ADAMTSL1: variants seen among roughly 807,000 people sequenced by gnomAD.
ADAMTSL1 encodes the protein ADAMTS-like protein 1.
In ADAMTSL1, 126 loss-of-function variants were observed where a neutral mutation model predicts 201.8. The ratio of observed to expected loss-of-function variants is 0.62; its 90% CI spans 0.54 to 0.72. The LOEUF is 0.72. ADAMTSL1 is among the 30% of genes least tolerant of loss of function. The probability of loss-of-function intolerance (pLI) is 0.00; values close to 1 mark genes in which losing one functional copy is unlikely to be tolerated. For missense variants in ADAMTSL1, 2,679 were observed against 2,277.8 expected (o/e 1.18, Z -3.59); for synonymous variants, 1,121 against 903.4 (o/e 1.24, Z -4.32).
intron 2 of ADAMTSL1, among the ~76,000 whole-genome samples, chr9:18,334,893 A>T (rs80267712): frequency 0.025 from 3,861 of 152,250 alleles, 153 homozygotes; most frequent in African/African-American, 0.086. Context: ...CATTTGGTCA[A>T]TTTTCTAAGC....
intron 1 of ADAMTSL1, among the ~76,000 whole-genome samples, chr9:18,138,124 G>A (rs185014707): frequency 3.3e-5 from 5 of 152,056 alleles, no homozygotes; most frequent in Non-Finnish European, 5.9e-5. Context: ...CCTGAGACTC[G>A]TTTCCTCCTC....
chr9:18,497,530 A>G (rs752205871), intron 1 of ADAMTSL1, among the ~76,000 whole-genome samples: 1 of 152,140 alleles, frequency 6.6e-6, no homozygotes, highest in Non-Finnish European at 1.5e-5. Context: ...AATCTCTATC[A>G]AAAAAATGCA....
At chr9:18,695,799 C>G (rs1229330707) in intron 13 of ADAMTSL1, among the ~76,000 whole-genome samples, 1 of 152,214 alleles carries the variant, frequency 6.6e-6, no homozygotes, top group African/African-American at 2.4e-5. Flanking sequence ...TAGCAATGCC[C>G]CACTTCTTGA....
chr9:18,141,046 T>C (rs909933909), intron 1 of ADAMTSL1, among the ~76,000 whole-genome samples: 5 of 152,196 alleles, frequency 3.3e-5, no homozygotes, highest in African/African-American at 1.2e-4. Context: ...CCCAACACCC[T>C]GGAATCAGAA....
intron 2 of ADAMTSL1, among the ~76,000 whole-genome samples, chr9:18,221,991 A>G (rs1329539994): frequency 6.6e-6 from 1 of 151,942 alleles, no homozygotes; most frequent in African/African-American, 2.4e-5. Context: ...TCATGTTTAG[A>G]TTTGTATCTT....
intron 2 of ADAMTSL1, among the ~76,000 whole-genome samples, chr9:18,204,629 C>T (rs1209211407): frequency 6.6e-6 from 1 of 152,108 alleles, no homozygotes; most frequent in Admixed American, 6.6e-5. Context: ...CCACCCTGCT[C>T]ACTATAATAC....
intron 1 of ADAMTSL1, among the ~76,000 whole-genome samples, chr9:17,999,544 T>G (rs1422934438): frequency 1.3e-5 from 2 of 152,026 alleles, no homozygotes; most frequent in African/African-American, 4.8e-5. Context: ...CTTCAAGCTG[T>G]CCAATAATCC....
intron 20 of ADAMTSL1, among the ~76,000 whole-genome samples, chr9:18,803,847 A>G (rs996679850): frequency 2.6e-5 from 4 of 152,198 alleles, no homozygotes; most frequent in African/African-American, 4.8e-5. Flanking sequence ...CTTTCCAGAT[A>G]GAGTCAGAGT....
chr9:18,741,501 G>T (rs1325134662), intron 15 of ADAMTSL1, among the ~76,000 whole-genome samples: 3 of 152,186 alleles, frequency 2.0e-5, no homozygotes, highest in Non-Finnish European at 4.4e-5. Context: ...TGTCCAGAAA[G>T]ATTTCTATTT....
chr9:18,040,232 C>T (rs1487854215), intron 1 of ADAMTSL1, among the ~76,000 whole-genome samples: 2 of 152,180 alleles, frequency 1.3e-5, no homozygotes, highest in African/African-American at 2.4e-5. Flanking sequence ...CTATTGATAA[C>T]CTGGCTCTGT....
rs1820375618 is a variant in ADAMTSL1 at position 18,019,040 on chromosome 9, T to C, written c.87+112118T>C. On this transcript the variant is annotated intron_variant, in intron 1 of 29. Coordinates refer to the ADAMTSL1 transcript ENST00000680146. ...ATAGAATTTTTGGCTTTCAAGACAC[T>C]GAGAGTGAGAAAGTGCAGGAAAGTT... Among the ~76,000 whole-genome samples the C allele has an allele frequency of 1.3e-5, 2 of 152,044 alleles. 1 individual carries two copies. Among genetic ancestry groups the C allele is most frequent in the South Asian group, 4.1e-4 (2 of 4,828 alleles).
Position 17,950,225 on chromosome 9 carries a change from G to A in ADAMTSL1, c.87+43303G>A, listed in dbSNP as rs776270645. Among the ~76,000 whole-genome samples, 4 of 151,972 alleles carry A rather than the reference G, an allele frequency of 2.6e-5. No individual in the cohort carries two copies. In the South Asian group the frequency reaches 8.3e-4, roughly 31 times the overall value. ...TCTGGCCTGTGTTCTTGAATTTTTAGAGAGACTTCAAAATTATATTTAAAA... is the reference window on the plus strand; with the variant it reads ...TCTGGCCTGTGTTCTTGAATTTTTAAAGAGACTTCAAAATTATATTTAAAA... On this transcript the variant is annotated intron_variant, in intron 1 of 29. Coordinates refer to the ADAMTSL1 transcript ENST00000680146.
Position 18,141,581 on chromosome 9 carries a change from T to C in ADAMTSL1, c.88-22281T>C, listed in dbSNP as rs139941851. ...TGTCTAGCACCCTACCTGCACAGCC[T>C]GGTGGTGGCCAGCACTTCTTCCAAG... On this transcript the variant is annotated intron_variant, in intron 1 of 29. Coordinates refer to the ADAMTSL1 transcript ENST00000680146. 2.0e-4 allele frequency among the ~76,000 whole-genome samples: 31 copies of C among 152,308 alleles called. No homozygotes were observed. The East Asian group carries it at 5.8e-3, about 29-fold the overall frequency.
chr9:18,791,079 C>T (rs749974675), intron 19 of ADAMTSL1, among the ~76,000 whole-genome samples: 19 of 152,202 alleles, frequency 1.2e-4, no homozygotes, highest in Non-Finnish European at 2.4e-4. Flanking sequence ...CAGAAATCAG[C>T]AACTAGCGAA....
intron 1 of ADAMTSL1, among the ~76,000 whole-genome samples, chr9:18,149,470 G>C (rs1331093): frequency 0.99 from 151,306 of 152,138 alleles, 75,245 homozygotes; most frequent in Middle Eastern, 1. Flanking sequence ...GATAATTGTA[G>C]AAAAGTGGTA....
At chr9:18,303,292 G>A (rs961728361) in intron 2 of ADAMTSL1, among the ~76,000 whole-genome samples, 3 of 152,182 alleles carry the variant, frequency 2.0e-5, no homozygotes, top group African/African-American at 7.2e-5. Flanking sequence ...AAGTTGGATT[G>A]CCTACCCTGA....
chr9:18,163,782 GC>G (rs1196836098), intron 1 of ADAMTSL1: 2 of 139,084 alleles, frequency 1.4e-5, no homozygotes, highest in African/African-American at 5.8e-5. Context: ...GAATCCAAGA[GC>G]TTTCTGCAAC....
At chr9:18,835,145 T>C (rs2131287297) in intron 23 of ADAMTSL1, among the ~76,000 whole-genome samples, 1 of 152,282 alleles carries the variant, frequency 6.6e-6, no homozygotes, top group East Asian at 1.9e-4. Context: ...AGTTGGTCTT[T>C]TGCATTTTGG....
chr9:18,887,020 A>C (rs941178439), intron 23 of ADAMTSL1, among the ~76,000 whole-genome samples: 3 of 148,956 alleles, frequency 2.0e-5, no homozygotes, highest in Non-Finnish European at 4.5e-5. Flanking sequence ...GGGGAAAAAA[A>C]TCTATAGATT....
Sources: gnomAD v4.1 joint callset for allele counts (sites outside exome capture counted in the v4.1 genomes callset) on GRCh38, gnomAD v4.1.1 for gene constraint, MANE v1.5 for transcripts, NCBI Gene and HGNC (gene_info 2026-07-23, HGNC 2026-07-21) for gene names.